The following KCNIP4 variants were observed in gnomAD, a reference collection of about 807,000 sequenced individuals.
KCNIP4 encodes the protein potassium voltage-gated channel interacting protein 4.
Under a neutral mutation model 34.0 loss-of-function variants are expected in KCNIP4, and 12 were observed. The ratio of observed to expected loss-of-function variants is 0.35; its 90% CI spans 0.23 to 0.57. The LOEUF is 0.57. KCNIP4 is among the 20% of genes least tolerant of loss of function. The pLI, the probability that KCNIP4 is intolerant of heterozygous loss-of-function variation, is 0.83. For missense variants in KCNIP4, 238 were observed against 311.7 expected (o/e 0.76, Z 1.78); for synonymous variants, 124 against 102.2 (o/e 1.21, Z -1.29).
intron 1 of KCNIP4, among the ~76,000 whole-genome samples, chr4:21,041,737 GA>G (rs1184460381): frequency 1.3e-5 from 2 of 152,134 alleles, no homozygotes; most frequent in African/African-American, 4.8e-5. Flanking sequence ...GTCACTAGAA[GA>G]AAAACAATTT....
At chr4:21,344,383 G>A (rs1717078518) in intron 1 of KCNIP4, among the ~76,000 whole-genome samples, 1 of 152,166 alleles carries the variant, frequency 6.6e-6, no homozygotes, top group African/African-American at 2.4e-5. Flanking sequence ...GGAGCCATCT[G>A]TGGATGTAGC....
chr4:21,258,757 G>A (rs531059643), intron 1 of KCNIP4, among the ~76,000 whole-genome samples: 2 of 151,874 alleles, frequency 1.3e-5, no homozygotes, highest in Non-Finnish European at 2.9e-5. Context: ...AACTTAAATC[G>A]CTTCCCTACC....
chr4:21,919,088 C>T (rs1728803804), intron 1 of KCNIP4, among the ~76,000 whole-genome samples: 1 of 152,144 alleles, frequency 6.6e-6, no homozygotes, highest in African/African-American at 2.4e-5. Context: ...TAGGCTGCCC[C>T]ATAACTGACT....
chr4:20,977,596 GA>G (rs1735613163), intron 1 of KCNIP4, among the ~76,000 whole-genome samples: 1 of 152,066 alleles, frequency 6.6e-6, no homozygotes, highest in African/African-American at 2.4e-5. Flanking sequence ...ATTAGAACTG[GA>G]AAATAATAGT....
At chr4:20,820,937 G>A (rs984583054) in intron 3 of KCNIP4, among the ~76,000 whole-genome samples, 1 of 152,214 alleles carries the variant, frequency 6.6e-6, no homozygotes, top group Non-Finnish European at 1.5e-5. Flanking sequence ...AACTGCTGGT[G>A]CACAGAGTGC....
At chr4:21,745,321 C>T (rs1347708219) in intron 1 of KCNIP4, among the ~76,000 whole-genome samples, 1 of 152,176 alleles carries the variant, frequency 6.6e-6, no homozygotes, top group Admixed American at 6.5e-5. Context: ...AGACGTTTAG[C>T]AGATTTCAGA....
intron 3 of KCNIP4, among the ~76,000 whole-genome samples, chr4:20,798,642 A>G (rs1713818228): frequency 6.6e-6 from 1 of 152,192 alleles, no homozygotes. Context: ...TGTAGAGCAT[A>G]GAAACCCAGG....
intron 1 of KCNIP4, among the ~76,000 whole-genome samples, chr4:21,539,639 T>C (rs1055476476): frequency 2.0e-5 from 3 of 152,170 alleles, no homozygotes; most frequent in African/African-American, 7.2e-5. Context: ...TGAGTTCCCC[T>C]TCCACTTCAA....
At chr4:21,644,856 T>C (rs186086966) in intron 1 of KCNIP4, among the ~76,000 whole-genome samples, 260 of 152,306 alleles carry the variant, frequency 1.7e-3, no homozygotes, top group African/African-American at 6.0e-3. Context: ...CTTCAAGGCA[T>C]ATTAAGATTC....
At chr4:21,596,063 C>G (rs1366232736) in intron 1 of KCNIP4, among the ~76,000 whole-genome samples, 3 of 152,092 alleles carry the variant, frequency 2.0e-5, no homozygotes, top group African/African-American at 7.2e-5. Flanking sequence ...CTTAGCGCAA[C>G]CAACGCCTTG....
At chr4:20,886,268 T>C (rs1237534515) in intron 1 of KCNIP4, among the ~76,000 whole-genome samples, 1 of 152,166 alleles carries the variant, frequency 6.6e-6, no homozygotes, top group African/African-American at 2.4e-5. Context: ...GCTTCACAAA[T>C]GCCCTGGCTC....
chr4:21,220,907 T>A (rs753143199), intron 1 of KCNIP4, among the ~76,000 whole-genome samples: 1 of 152,144 alleles, frequency 6.6e-6, no homozygotes, highest in African/African-American at 2.4e-5. Context: ...TGGAGAAATG[T>A]CTTTCAGAGA....
chr4:21,926,680 C>A (rs991011089), intron 1 of KCNIP4, among the ~76,000 whole-genome samples: 1 of 152,100 alleles, frequency 6.6e-6, no homozygotes, highest in Non-Finnish European at 1.5e-5. Context: ...CAGGGTTGAT[C>A]CCACCTCTCT....
chr4:21,751,787 G>A (rs971587453), intron 1 of KCNIP4, among the ~76,000 whole-genome samples: 3 of 152,212 alleles, frequency 2.0e-5, no homozygotes, highest in Non-Finnish European at 2.9e-5. Context: ...GAAAAGGCAA[G>A]CAGAGCCAAG....
Position 21,350,441 on chromosome 4 carries a change from C to T in KCNIP4, c.62-467732G>A, listed in dbSNP as rs552084410. ...CTGCTAACATGGCCAGCCACCCAAA[C>T]GCCCAGTTATTTATCTGGCAAGTAC... On this transcript the variant is annotated intron_variant, in intron 1 of 8. Coordinates refer to ENST00000382152, the MANE Select transcript of KCNIP4 (RefSeq NM_025221.6). Among the ~76,000 whole-genome samples the T allele has an allele frequency of 9.9e-5, 15 of 152,276 alleles. No individual in the cohort carries two copies. In the East Asian group the frequency reaches 1.7e-3, roughly 18 times the overall value.
chr4:21,653,074 T>A (rs370604338), intron 1 of KCNIP4, among the ~76,000 whole-genome samples: 4 of 152,306 alleles, frequency 2.6e-5, no homozygotes, highest in African/African-American at 9.6e-5. Context: ...CTGGTGATAT[T>A]CCACAAATTC....
chr4:21,028,117 A>G (rs574120555), intron 1 of KCNIP4, among the ~76,000 whole-genome samples: 42 of 152,248 alleles, frequency 2.8e-4, no homozygotes, highest in Middle Eastern at 3.4e-3. Flanking sequence ...TCCATTAGGA[A>G]CTATGTTGCC....
intron 1 of KCNIP4, among the ~76,000 whole-genome samples, chr4:20,967,650 G>A (rs2149671452): frequency 6.6e-6 from 1 of 152,254 alleles, no homozygotes; most frequent in Middle Eastern, 3.4e-3. Flanking sequence ...TCTGATCTTT[G>A]ACAAACCTGA....
intron 3 of KCNIP4, among the ~76,000 whole-genome samples, chr4:20,816,527 C>T (rs2149439611): frequency 6.6e-6 from 1 of 152,310 alleles, no homozygotes; most frequent in East Asian, 1.9e-4. Flanking sequence ...CAGCAGGTAT[C>T]TGGCACAACT....
Sources: allele counts gnomAD v4.1 joint callset (sites outside exome capture counted in the v4.1 genomes callset), GRCh38; gene constraint gnomAD v4.1.1; transcripts MANE v1.5; gene names NCBI Gene and HGNC (gene_info 2026-07-23, HGNC 2026-07-21).